Variants in FIRRM observed in about 807,000 individuals in gnomAD.
FIRRM encodes FIGNL1-interacting regulator of recombination and mitosis.
chr1:169,809,457 CCA>C, the FIRRM span, among the ~76,000 whole-genome samples: 1 of 152,166 alleles, frequency 6.6e-6, no homozygotes, highest in African/African-American at 2.4e-5. Flanking sequence ...TCTCTTGACA[CCA>C]CAGAGTTTGC....
the FIRRM span, among the ~76,000 whole-genome samples, chr1:169,843,280 GGA>G: frequency 6.6e-6 from 1 of 152,272 alleles, no homozygotes; most frequent in East Asian, 1.9e-4. Context: ...TATCTGTGCT[GGA>G]GATATAGCTT....
the FIRRM span, chr1:169,804,167 A>G: frequency 6.2e-7 from 1 of 1,600,088 alleles, no homozygotes; most frequent in African/African-American, 1.3e-5. Context: ...AAAAGCAGTT[A>G]ATGGAACTGC....
At chr1:169,813,713 A>T in the FIRRM span, among the ~76,000 whole-genome samples, 1 of 152,198 alleles carries the variant, frequency 6.6e-6, no homozygotes, top group Admixed American at 6.5e-5. Context: ...AAAAAAGGAG[A>T]CATATTACAT....
At chr1:169,852,261 T>C in the FIRRM span, 2,045 of 351,524 alleles carry the variant, frequency 5.8e-3, 46 homozygotes, top group African/African-American at 0.041. Context: ...AATGTTTAGT[T>C]TGATTCCTTG....
chr1:169,789,078 C>T, the FIRRM span, among the ~76,000 whole-genome samples: 1 of 152,194 alleles, frequency 6.6e-6, no homozygotes, highest in Admixed American at 6.5e-5. Context: ...AGAGCAACTT[C>T]TCTCCTGGGT....
the FIRRM span, among the ~76,000 whole-genome samples, chr1:169,819,473 A>ATG: frequency 3.9e-5 from 6 of 152,226 alleles, no homozygotes; most frequent in African/African-American, 1.4e-4. Context: ...ACATCAGATA[A>ATG]TGCAATGCAA....
the FIRRM span, among the ~76,000 whole-genome samples, chr1:169,821,169 A>G: frequency 6.6e-6 from 1 of 152,190 alleles, no homozygotes; most frequent in African/African-American, 2.4e-5. Flanking sequence ...TGCTAATCAA[A>G]TAACCCTCAA....
At chr1:169,806,210 CT>C in the FIRRM span, 1 of 622,888 alleles carries the variant, frequency 1.6e-6, no homozygotes, top group Non-Finnish European at 2.7e-6. Context: ...TTCACTGACA[CT>C]GCTGTCTGAT....
At chr1:169,832,330 T>C in the FIRRM span, 11 of 824,414 alleles carry the variant, frequency 1.3e-5, no homozygotes, top group Middle Eastern at 2.3e-4. Context: ...AAAGAGCTGC[T>C]ATTAATATTT....
the FIRRM span, among the ~76,000 whole-genome samples, chr1:169,809,277 TG>T: frequency 1.3e-5 from 2 of 152,238 alleles, no homozygotes; most frequent in African/African-American, 4.8e-5. Context: ...TTTCCTTTTT[TG>T]TCCTCACTTC....
At chr1:169,790,687 A>T in the FIRRM span, among the ~76,000 whole-genome samples, 1 of 152,170 alleles carries the variant, frequency 6.6e-6, no homozygotes, top group East Asian at 1.9e-4. Flanking sequence ...GAGAATTGAG[A>T]GATACCTATT....
chr1:169,829,243 T>G, the FIRRM span: 1 of 1,517,442 alleles, frequency 6.6e-7, no homozygotes, highest in African/African-American at 1.4e-5. Context: ...TTGGGTTCAA[T>G]GTTCTCAATT....
At chr1:169,849,815 G>A in the FIRRM span, 1 of 554,734 alleles carries the variant, frequency 1.8e-6, no homozygotes, top group Non-Finnish European at 3.2e-6. Flanking sequence ...GAATAAACAA[G>A]GACCAGAACA....
chr1:169,851,819 T>C, the FIRRM span: 1 of 1,613,760 alleles, frequency 6.2e-7, no homozygotes, highest in Admixed American at 1.7e-5. Context: ...CCTGGCAGAC[T>C]GGGTTTGTAG....
At chr1:169,823,520 G>A in the FIRRM span, 2 of 1,176,398 alleles carry the variant, frequency 1.7e-6, no homozygotes, top group Admixed American at 2.2e-5. Flanking sequence ...TGCCATCTGT[G>A]CCATGCAGTG....
At chr1:169,844,994 T>C in the FIRRM span, among the ~76,000 whole-genome samples, 2 of 152,332 alleles carry the variant, frequency 1.3e-5, no homozygotes, top group South Asian at 2.1e-4. Flanking sequence ...AGAGAACATG[T>C]TGCCTACAAA....
chr1:169,786,703 A>G, the FIRRM span, among the ~76,000 whole-genome samples: 5 of 152,254 alleles, frequency 3.3e-5, no homozygotes, highest in Admixed American at 1.3e-4. Flanking sequence ...GAGCTCTAGG[A>G]CATTTTAGAC....
the FIRRM span, among the ~76,000 whole-genome samples, chr1:169,845,475 T>C: frequency 6.6e-6 from 1 of 152,210 alleles, no homozygotes; most frequent in African/African-American, 2.4e-5. Flanking sequence ...CTGTAGCATG[T>C]GATGCTGTTT....
At chr1:169,783,855 G>C in the FIRRM span, 5 of 152,128 alleles carry the variant, frequency 3.3e-5, no homozygotes, top group African/African-American at 1.2e-4. Flanking sequence ...GCATGACCAC[G>C]GTTCACTGCA....
Sources: gnomAD v4.1 joint callset for allele counts (sites outside exome capture counted in the v4.1 genomes callset) on GRCh38, gnomAD v4.1.1 for gene constraint, MANE v1.5 for transcripts, NCBI Gene and HGNC (gene_info 2026-07-23, HGNC 2026-07-21) for gene names.